OR10J1: variants seen among roughly 807,000 people sequenced by gnomAD.
OR10J1 encodes the protein olfactory receptor family 10 subfamily J member 1, also known as olfactory receptor 10J1.
For missense variants in OR10J1, 474 were observed against 376.6 expected, an observed-to-expected ratio of 1.26 and a Z score of -2.14; for synonymous variants, 202 against 143.8, an observed-to-expected ratio of 1.40 and a Z score of -2.89.
At chr1:159,417,085 C>A in the OR10J1 span, among the ~76,000 whole-genome samples, 1 of 151,744 alleles carries the variant, frequency 6.6e-6, no homozygotes. Context: ...CTGCTTTGAT[C>A]TTTATTATTT....
chr1:159,434,396 T>C (rs1268816401), upstream of OR10J1, among the ~76,000 whole-genome samples: 2 of 152,176 alleles, frequency 1.3e-5, no homozygotes, highest in African/African-American at 4.8e-5. Flanking sequence ...TTGGAATCAG[T>C]CTGGAAGTTT....
upstream of OR10J1, chr1:159,433,199 G>A (rs1655634277): frequency 5.0e-6 from 2 of 397,510 alleles, no homozygotes; most frequent in African/African-American, 2.1e-5. Context: ...ACAGTGAGAG[G>A]GACAATAAGA....
chr1:159,414,302 G>T, the OR10J1 span, among the ~76,000 whole-genome samples: 22 of 152,100 alleles, frequency 1.4e-4, no homozygotes, highest in East Asian at 1.7e-3. Flanking sequence ...CTACCTCGAT[G>T]AAATCAACTT....
At chr1:159,410,661 A>C in the OR10J1 span, among the ~76,000 whole-genome samples, 18 of 151,154 alleles carry the variant, frequency 1.2e-4, no homozygotes, top group East Asian at 2.4e-3. Flanking sequence ...TCCTGGATTC[A>C]TTAATTTTTT....
the OR10J1 span, chr1:159,405,715 AG>A: frequency 1.4e-6 from 1 of 696,878 alleles, no homozygotes; most frequent in Non-Finnish European, 2.5e-6. Flanking sequence ...GTAGATGATG[AG>A]GTCATAGGAG....
chr1:159,420,156 T>C, the OR10J1 span, among the ~76,000 whole-genome samples: 4 of 152,320 alleles, frequency 2.6e-5, no homozygotes, highest in African/African-American at 9.6e-5. Context: ...CTCACTTTGG[T>C]TTCCATTTGC....
chr1:159,398,855 TA>T, the OR10J1 span, among the ~76,000 whole-genome samples: 2 of 151,846 alleles, frequency 1.3e-5, no homozygotes, highest in Non-Finnish European at 2.9e-5. Context: ...AAGAAAGAGG[TA>T]GGGGTAGAAT....
At chr1:159,418,642 C>A in the OR10J1 span, among the ~76,000 whole-genome samples, 3 of 152,142 alleles carry the variant, frequency 2.0e-5, no homozygotes, top group African/African-American at 7.2e-5. Flanking sequence ...CAGGAAAATG[C>A]GTGGTTGAAG....
At chr1:159,409,461 G>A in the OR10J1 span, among the ~76,000 whole-genome samples, 8 of 151,862 alleles carry the variant, frequency 5.3e-5, no homozygotes, top group South Asian at 2.1e-4. Flanking sequence ...AGCATACTCC[G>A]TACTCTCTTT....
chr1:159,427,692 T>A, the OR10J1 span, among the ~76,000 whole-genome samples: 1 of 152,002 alleles, frequency 6.6e-6, no homozygotes, highest in African/African-American at 2.4e-5. Context: ...AACAACATCA[T>A]GCTCAGAGGA....
In OR10J1 at chr1:159,440,023, C is replaced by A; in HGVS notation, c.232C>A (p.Leu78Ile). The A allele has an allele frequency of 6.2e-7, 1 of 1,614,176 alleles. No homozygotes were observed. The highest frequency in any genetic ancestry group is 2.2e-5 in the East Asian group (1 of 44,884). ...TSETVYTLVILPRMLSSLVGM... is the reference protein window; with the variant it reads ...TSETVYTLVIIPRMLSSLVGM... ...AGAGACTGTATATACATTGGTCATT[C>A]TCCCAAGAATGCTCTCCAGCCTCGT... The change falls in exon 1 of 1, where the codon CTC becomes ATC. Residue 78 changes from leucine (L) to isoleucine (I), a missense_variant. Transcript: ENST00000423932.
chr1:159,435,589 C>T (rs1410529458), upstream of OR10J1, among the ~76,000 whole-genome samples: 1 of 152,120 alleles, frequency 6.6e-6, no homozygotes, highest in Non-Finnish European at 1.5e-5. Context: ...CACGCCAGCT[C>T]TAGGTGACAG....
the OR10J1 span, among the ~76,000 whole-genome samples, chr1:159,430,099 T>C: frequency 6.6e-6 from 1 of 151,978 alleles, no homozygotes; most frequent in Non-Finnish European, 1.5e-5. Flanking sequence ...CTCTCTTTTA[T>C]CTCCTGAGAT....
chr1:159,433,393 C>T (rs536198646), upstream of OR10J1, among the ~76,000 whole-genome samples: 6 of 152,300 alleles, frequency 3.9e-5, no homozygotes, highest in African/African-American at 1.4e-4. Flanking sequence ...TATCCATGCA[C>T]TGCACTATAA....
At position 159,439,899 on chromosome 1, in the gene OR10J1, C is replaced by A; in HGVS notation, c.108C>A (p.Ile36=). The change falls in exon 1 of 1, where the codon ATC becomes ATA. Residue 36 remains isoleucine (I), a synonymous_variant. Transcript: ENST00000423932. ...TTGGCGTGTTCCTTGCACTATACAT[C>A]TTAACCTTAGCAGGCAATATCATCA... The part of the protein sequence containing the change: ...TLFGVFLALY[I]LTLAGNIIIV... The A allele has an allele frequency of 6.2e-7, 1 of 1,614,178 alleles. No individual in the cohort carries two copies.
the OR10J1 span, among the ~76,000 whole-genome samples, chr1:159,425,992 G>A: frequency 6.6e-6 from 1 of 151,902 alleles, no homozygotes; most frequent in Non-Finnish European, 1.5e-5. Flanking sequence ...TCTATATTTG[G>A]ATTATTTAGC....
chr1:159,411,474 A>G, the OR10J1 span, among the ~76,000 whole-genome samples: 1 of 151,866 alleles, frequency 6.6e-6, no homozygotes, highest in Non-Finnish European at 1.5e-5. Flanking sequence ...GTCTCTTTTG[A>G]TCTTTGTTGG....
chr1:159,422,797 T>A, the OR10J1 span, among the ~76,000 whole-genome samples: 1 of 152,126 alleles, frequency 6.6e-6, no homozygotes, highest in East Asian at 1.9e-4. Flanking sequence ...ATGGCTAGAG[T>A]TGTAGGAGTC....
chr1:159,428,219 A>G, the OR10J1 span, among the ~76,000 whole-genome samples: 1 of 152,214 alleles, frequency 6.6e-6, no homozygotes, highest in African/African-American at 2.4e-5. Flanking sequence ...TAAAAATCAG[A>G]ACAGAAAAGA....
Sources: allele counts gnomAD v4.1 joint callset (sites outside exome capture counted in the v4.1 genomes callset), GRCh38; gene constraint gnomAD v4.1.1; transcripts MANE v1.5; gene names NCBI Gene and HGNC (gene_info 2026-07-23, HGNC 2026-07-21).